Variants in MYRIP observed in about 807,000 individuals in gnomAD.
MYRIP encodes the protein rab effector MyRIP.
In MYRIP, 49 loss-of-function variants were observed where a neutral mutation model predicts 98.0. The observed-to-expected ratio is 0.50, with a 90% CI of 0.40 to 0.63. The LOEUF (loss-of-function observed/expected upper bound fraction) is 0.63, where lower values mean the gene tolerates loss of function less well. Ranked by LOEUF, MYRIP falls within the 30% of genes least tolerant of loss-of-function variation. The probability of loss-of-function intolerance (pLI) is 0.00; values close to 1 mark genes in which losing one functional copy is unlikely to be tolerated. For missense variants in MYRIP, 1,004 were observed against 1,058.2 expected (o/e 0.95, Z 0.71); for synonymous variants, 404 against 409.5 (o/e 0.99, Z 0.16).
At chr3:40,152,623 C>A (rs553074317) in intron 4 of MYRIP, among the ~76,000 whole-genome samples, 1 of 152,218 alleles carries the variant, frequency 6.6e-6, no homozygotes, top group Non-Finnish European at 1.5e-5. Flanking sequence ...AGGTGCTGGG[C>A]CCTCTGTGAT....
chr3:40,178,138 G>A (rs1559436369), intron 8 of MYRIP, among the ~76,000 whole-genome samples: 2 of 152,024 alleles, frequency 1.3e-5, no homozygotes, highest in South Asian at 4.1e-4. Flanking sequence ...TTTACTGTGG[G>A]CTCTTTGAGA....
chr3:39,825,704 A>G (rs1575277090), intron 1 of MYRIP, among the ~76,000 whole-genome samples: 2 of 152,184 alleles, frequency 1.3e-5, no homozygotes, highest in South Asian at 4.1e-4. Flanking sequence ...AAAATGAGTT[A>G]GAAAGAACTC....
At position 40,031,891 on chromosome 3, in the gene MYRIP, T is replaced by G. The variant is rs541705864; in HGVS notation, c.111-12159T>G. Among the ~76,000 whole-genome samples the G allele has an allele frequency of 6.1e-3, 930 of 152,292 alleles. 6 individuals are homozygous for G. The highest frequency in any genetic ancestry group is 0.021 in the African/African-American group (889 of 41,568). On this transcript the variant is annotated intron_variant, in intron 2 of 16. Transcript: ENST00000302541. ...GATTCTTCTCTCTTTTCTTCTTTAT[T>G]AGTCTTGCTAGCCGTCTATCAATTT...
Position 40,016,805 on chromosome 3 carries a change from A to T in MYRIP, c.111-27245A>T, listed in dbSNP as rs78607501. 5.1e-3 allele frequency among the ~76,000 whole-genome samples: 781 copies of T among 152,328 alleles called. 2 individuals carry two copies. The highest frequency in any genetic ancestry group is 9.2e-3 in the Non-Finnish European group (624 of 68,028). On this transcript the variant is annotated intron_variant, in intron 2 of 16. Coordinates refer to ENST00000302541, the MANE Select transcript of MYRIP (RefSeq NM_015460.4). ...ACGTACACAAAGCATACGTGCAGTC[A>T]GTTAAAGTTTGTGCGGATTACAAGT...
intron 3 of MYRIP, among the ~76,000 whole-genome samples, chr3:40,111,313 T>A (rs543350271): frequency 6.6e-5 from 10 of 152,260 alleles, no homozygotes; most frequent in Admixed American, 1.3e-4. Flanking sequence ...GAAAACAAAA[T>A]CCCATCTCTT....
At chr3:39,864,611 A>G (rs1942569953) in intron 1 of MYRIP, among the ~76,000 whole-genome samples, 1 of 152,196 alleles carries the variant, frequency 6.6e-6, no homozygotes, top group African/African-American at 2.4e-5. Flanking sequence ...AAAGATCTCT[A>G]CAATGAGAAT....
At chr3:39,932,724 C>T (rs546996829) in intron 2 of MYRIP, among the ~76,000 whole-genome samples, 1 of 152,032 alleles carries the variant, frequency 6.6e-6, no homozygotes, top group African/African-American at 2.4e-5. Context: ...CAGAGAGATC[C>T]ATCGTCAAGA....
chr3:39,946,424 A>C (rs181775712), intron 2 of MYRIP, among the ~76,000 whole-genome samples: 117 of 152,254 alleles, frequency 7.7e-4, no homozygotes, highest in Non-Finnish European at 1.5e-3. Context: ...TTAAGAAAGG[A>C]AAATTATCCA....
At chr3:39,871,059 G>A (rs530755521) in intron 1 of MYRIP, among the ~76,000 whole-genome samples, 72 of 152,312 alleles carry the variant, frequency 4.7e-4, no homozygotes, top group African/African-American at 1.7e-3. Flanking sequence ...GATTTACTGT[G>A]ATTCAATGAC....
chr3:39,831,926 C>A (rs1941462333), intron 1 of MYRIP, among the ~76,000 whole-genome samples: 1 of 151,968 alleles, frequency 6.6e-6, no homozygotes, highest in Non-Finnish European at 1.5e-5. Flanking sequence ...GAAAAGATAA[C>A]CTAAAATTAA....
intron 2 of MYRIP, among the ~76,000 whole-genome samples, chr3:40,039,922 C>A (rs756011969): frequency 1.3e-5 from 2 of 152,078 alleles, no homozygotes; most frequent in Non-Finnish European, 2.9e-5. Context: ...TCCTTCCTAG[C>A]TTTTGGTGGC....
At chr3:40,186,210 C>T (rs1271580965) in intron 9 of MYRIP, among the ~76,000 whole-genome samples, 4 of 152,134 alleles carry the variant, frequency 2.6e-5, no homozygotes, top group Non-Finnish European at 5.9e-5. Flanking sequence ...GCCTCAGTGA[C>T]AGATTAGAAG....
At chr3:40,198,238 T>C (rs1305987138) in intron 10 of MYRIP, among the ~76,000 whole-genome samples, 1 of 152,158 alleles carries the variant, frequency 6.6e-6, no homozygotes, top group African/African-American at 2.4e-5. Flanking sequence ...GAAGTGAGCT[T>C]CTCCTCGGAT....
At chr3:39,979,650 C>CAAAAAAAAAAAAAAA (rs1400253573) in intron 2 of MYRIP, among the ~76,000 whole-genome samples, 2 of 78,988 alleles carry the variant, frequency 2.5e-5, no homozygotes, top group Non-Finnish European at 3.0e-5. Context: ...AAAACCAAAA[C>CAAAAAAAAAAAAAAA]AAAACAAAAA....
At chr3:40,148,158 A>C (rs573063885) in intron 3 of MYRIP, among the ~76,000 whole-genome samples, 6 of 152,262 alleles carry the variant, frequency 3.9e-5, no homozygotes, top group African/African-American at 1.2e-4. Flanking sequence ...CATTATTTTT[A>C]TCCTTTTGCA....
chr3:39,822,725 T>C (rs565054104), intron 1 of MYRIP, among the ~76,000 whole-genome samples: 1 of 152,368 alleles, frequency 6.6e-6, no homozygotes, highest in South Asian at 2.1e-4. Context: ...TCTGTTCTAC[T>C]TTCATTTGTA....
intron 9 of MYRIP, among the ~76,000 whole-genome samples, chr3:40,189,531 G>T (rs943335592): frequency 6.6e-6 from 1 of 152,232 alleles, no homozygotes; most frequent in Non-Finnish European, 1.5e-5. Flanking sequence ...TAGGGCAGGA[G>T]TGGGACAGTG....
At chr3:40,056,337 G>A (rs1037743012) in intron 3 of MYRIP, among the ~76,000 whole-genome samples, 1 of 152,154 alleles carries the variant, frequency 6.6e-6, no homozygotes, top group African/African-American at 2.4e-5. Flanking sequence ...AACTTATCAG[G>A]TTGGTTTTCA....
chr3:39,875,706 C>T (rs376973483), intron 1 of MYRIP, among the ~76,000 whole-genome samples: 1 of 150,812 alleles, frequency 6.6e-6, no homozygotes, highest in East Asian at 1.9e-4. Context: ...GTCTGAGAGA[C>T]AGTTTGTTAT....
Sources: allele counts gnomAD v4.1 joint callset (sites outside exome capture counted in the v4.1 genomes callset), GRCh38; gene constraint gnomAD v4.1.1; transcripts MANE v1.5; gene names NCBI Gene and HGNC (gene_info 2026-07-23, HGNC 2026-07-21).